The following GPR39 variants were observed in gnomAD, a reference collection of about 807,000 sequenced individuals.
GPR39 encodes zinc sensing receptor.
A neutral mutation model predicts 18.4 loss-of-function variants in GPR39; 23 were observed. The ratio of observed to expected loss-of-function variants is 1.25; its 90% CI spans 0.90 to 1.77. The LOEUF (loss-of-function observed/expected upper bound fraction) is 1.77. Ranked by LOEUF, GPR39 falls within the 40% of genes most tolerant of loss-of-function variation. GPR39 has a pLI of 0.00. For missense variants in GPR39, 647 were observed against 602.4 expected, an observed-to-expected ratio of 1.07 and a Z score of -0.78; for synonymous variants, 280 against 257.9, an observed-to-expected ratio of 1.09 and a Z score of -0.82.
intron 1 of GPR39, among the ~76,000 whole-genome samples, chr2:132,618,560 A>T (rs1681378952): frequency 6.6e-6 from 1 of 152,106 alleles, no homozygotes; most frequent in African/African-American, 2.4e-5. Flanking sequence ...GTACACAGCC[A>T]CATCTTATGT....
intron 1 of GPR39, among the ~76,000 whole-genome samples, chr2:132,525,513 C>T (rs369703186): frequency 5.9e-5 from 9 of 152,252 alleles, no homozygotes; most frequent in South Asian, 2.1e-4. Flanking sequence ...GAGTGAATCC[C>T]GGCCTGATTT....
chr2:132,472,933 C>T (rs902942105), intron 1 of GPR39, among the ~76,000 whole-genome samples: 7 of 151,982 alleles, frequency 4.6e-5, no homozygotes, highest in African/African-American at 1.5e-4. Context: ...TAGGTCTGCC[C>T]TGAGAGTCTC....
At chr2:132,600,579 A>T (rs2104840534) in intron 1 of GPR39, among the ~76,000 whole-genome samples, 1 of 152,298 alleles carries the variant, frequency 6.6e-6, no homozygotes, top group South Asian at 2.1e-4. Context: ...ATTATGAACA[A>T]CTACATGCCA....
At chr2:132,618,019 C>T (rs942766895) in intron 1 of GPR39, among the ~76,000 whole-genome samples, 4 of 152,310 alleles carry the variant, frequency 2.6e-5, no homozygotes, top group East Asian at 1.9e-4. Context: ...CCCTAAAACT[C>T]GTCTTGGTCT....
chr2:132,568,181 A>G (rs1010233697), intron 1 of GPR39, among the ~76,000 whole-genome samples: 1 of 152,110 alleles, frequency 6.6e-6, no homozygotes, highest in African/African-American at 2.4e-5. Flanking sequence ...AGATAGGGCA[A>G]ACAATGCCAG....
At chr2:132,435,752 TC>T (rs11324369) in intron 1 of GPR39, among the ~76,000 whole-genome samples, 32,212 of 152,084 alleles carry the variant, frequency 0.21, 3,535 homozygotes, top group African/African-American at 0.25. Context: ...ACATATTTTC[TC>T]GTGTAAAGCT....
intron 1 of GPR39, among the ~76,000 whole-genome samples, chr2:132,460,859 C>T (rs1328059169): frequency 6.6e-6 from 1 of 152,142 alleles, no homozygotes. Context: ...CAGCTCTGGG[C>T]AGGGGCTTGC....
chr2:132,596,010 T>TA (rs1680939189), intron 1 of GPR39, among the ~76,000 whole-genome samples: 1 of 152,066 alleles, frequency 6.6e-6, no homozygotes, highest in South Asian at 2.1e-4. Flanking sequence ...CCCCCACCCT[T>TA]ATGGAAAAGC....
chr2:132,638,249 A>G (rs766108405), intron 1 of GPR39, among the ~76,000 whole-genome samples: 4 of 152,150 alleles, frequency 2.6e-5, no homozygotes, highest in Non-Finnish European at 5.9e-5. Context: ...GTTTGGAGCT[A>G]CCGTCTGCTT....
chr2:132,444,387 C>A (rs1680497374), intron 1 of GPR39, among the ~76,000 whole-genome samples: 1 of 152,060 alleles, frequency 6.6e-6, no homozygotes, highest in South Asian at 2.1e-4. Flanking sequence ...AACTCTTGGG[C>A]TCAAGCCGTC....
intron 1 of GPR39, among the ~76,000 whole-genome samples, chr2:132,459,151 T>C (rs1301014179): frequency 6.6e-6 from 1 of 152,204 alleles, no homozygotes; most frequent in Admixed American, 6.5e-5. Context: ...ATTTTTGGTG[T>C]CCTCTCTATT....
Position 132,526,394 on chromosome 2 carries a change from C to T in GPR39, c.856+108496C>T, listed in dbSNP as rs190878568. 2.0e-4 allele frequency among the ~76,000 whole-genome samples: 30 copies of T among 152,332 alleles called. No homozygotes were observed. In the East Asian group the frequency reaches 5.6e-3, roughly 28 times the overall value. On this transcript the variant is annotated intron_variant, in intron 1 of 1. Coordinates refer to ENST00000329321, the MANE Select transcript of GPR39 (RefSeq NM_001508.3). ...CTAAGTTTTTCTTCCTGTAGGCTCCCAGGCAAATGGTTTTCTTCTACCTGG... is the reference window on the plus strand; with the variant it reads ...CTAAGTTTTTCTTCCTGTAGGCTCCTAGGCAAATGGTTTTCTTCTACCTGG...
Position 132,643,056 on chromosome 2 carries a change from C to T in GPR39, c.857-2045C>T, listed in dbSNP as rs112564686. ...AGTGGCTGGGAACACCTGTACTCCT[C>T]GAAGTGGGAGAAAAGTCCCGGATTT... On this transcript the variant is annotated intron_variant, in intron 1 of 1. Coordinates refer to ENST00000329321, the MANE Select transcript of GPR39 (RefSeq NM_001508.3). Among the ~76,000 whole-genome samples, 416 of 152,158 alleles carry T rather than the reference C, an allele frequency of 2.7e-3. 3 individuals carry two copies. The highest frequency in any genetic ancestry group is 9.5e-3 in the African/African-American group (394 of 41,502).
intron 1 of GPR39, among the ~76,000 whole-genome samples, chr2:132,443,229 AAGTT>A (rs778776025): frequency 6.6e-6 from 1 of 152,320 alleles, no homozygotes; most frequent in African/African-American, 2.4e-5. Context: ...AAAGCAAGGA[AAGTT>A]AGTTTTGTGA....
intron 1 of GPR39, among the ~76,000 whole-genome samples, chr2:132,439,504 C>T (rs1324655414): frequency 6.6e-6 from 1 of 152,150 alleles, no homozygotes; most frequent in African/African-American, 2.4e-5. Flanking sequence ...TTGGATAGGT[C>T]TGAGATTGTT....
chr2:132,550,264 G>A (rs1680018628), intron 1 of GPR39, among the ~76,000 whole-genome samples: 1 of 152,196 alleles, frequency 6.6e-6, no homozygotes, highest in African/African-American at 2.4e-5. Flanking sequence ...AGAGAAAATA[G>A]ATGCTAGCTA....
chr2:132,585,955 T>G (rs995696859), intron 1 of GPR39, among the ~76,000 whole-genome samples: 5 of 138,878 alleles, frequency 3.6e-5, no homozygotes, highest in African/African-American at 5.4e-5. Context: ...CCGGTTTTTT[T>G]TTTTTTTTTT....
intron 1 of GPR39, among the ~76,000 whole-genome samples, chr2:132,460,429 A>C (rs1680810041): frequency 6.6e-6 from 1 of 152,174 alleles, no homozygotes; most frequent in Admixed American, 6.5e-5. Context: ...CTGTTGTAGA[A>C]AAAAAGGAGT....
intron 1 of GPR39, among the ~76,000 whole-genome samples, chr2:132,518,859 CA>C (rs1358754566): frequency 2.6e-5 from 4 of 151,964 alleles, no homozygotes; most frequent in Non-Finnish European, 5.9e-5. Flanking sequence ...CTTCAAAATC[CA>C]GCGTGTATTT....
Sources: allele counts gnomAD v4.1 joint callset (sites outside exome capture counted in the v4.1 genomes callset), GRCh38; gene constraint gnomAD v4.1.1; transcripts MANE v1.5; gene names NCBI Gene and HGNC (gene_info 2026-07-23, HGNC 2026-07-21).